The following PIK3CD variants were observed in gnomAD, a reference collection of about 807,000 sequenced individuals.
The protein encoded by PIK3CD is phosphatidylinositol-4,5-bisphosphate 3-kinase catalytic subunit delta, also known as phosphatidylinositol 4,5-bisphosphate 3-kinase catalytic subunit delta isoform.
PIK3CD carries 20 observed loss-of-function variants against 122.9 expected under a neutral mutation model. The ratio of observed to expected loss-of-function variants is 0.16; its 90% confidence interval spans 0.11 to 0.24. The LOEUF is 0.24. Ranked by LOEUF, PIK3CD falls within the 10% of genes least tolerant of loss-of-function variation. PIK3CD has a pLI of 1.00. For synonymous variants in PIK3CD, 596 were observed against 593.4 expected (o/e 1.00, Z -0.06); for missense variants, 787 against 1,406.3 (o/e 0.56, Z 7.04).
the PIK3CD span, among the ~76,000 whole-genome samples, chr1:9,643,219 G>A: frequency 5.3e-4 from 80 of 152,148 alleles, no homozygotes; most frequent in African/African-American, 1.8e-3. Flanking sequence ...GACCAGCCTG[G>A]TCAACATGGC....
chr1:9,723,883 T>C lies in PIK3CD; in HGVS notation c.2595-86T>C. 3.2e-6 allele frequency: 4 copies of C among 1,260,568 alleles called. No individual in the cohort carries two copies. The Middle Eastern group carries it at 8.5e-4, about 267-fold the overall frequency. The allele number at this position is 1,260,568 out of a possible 1,614,324, so 78.1% of individuals were successfully genotyped here. ...GTCAAAGCAAGTCACAGGGCCAGAT[T>C]CAAGGGGAGAGGGAGTAATAACCCA... is the stretch of plus-strand genomic sequence containing the variant. On this transcript the variant is annotated intron_variant, in intron 20 of 23. Transcript: ENST00000377346. The surrounding 1 kb of genome is among the most constrained non-coding windows in gnomAD (Gnocchi z 4.9).
At chr1:9,630,739 T>TGCGC in the PIK3CD span, among the ~76,000 whole-genome samples, 102 of 150,964 alleles carry the variant, frequency 6.8e-4, no homozygotes, top group African/African-American at 2.4e-3. Context: ...TGTGTGTGTG[T>TGCGC]GCAGAAGAGG....
chr1:9,640,756 G>T, the PIK3CD span, among the ~76,000 whole-genome samples: 1 of 152,082 alleles, frequency 6.6e-6, no homozygotes, highest in Non-Finnish European at 1.5e-5. Flanking sequence ...CCCCGGCTCA[G>T]CCTGGAACCT....
upstream of PIK3CD, among the ~76,000 whole-genome samples, chr1:9,651,164 T>A (rs946151298): frequency 6.6e-6 from 1 of 152,148 alleles, no homozygotes; most frequent in Non-Finnish European, 1.5e-5. Context: ...TCTTTATAGA[T>A]AGAAATCATT....
At chr1:9,705,939 C>T (rs560370624) in intron 2 of PIK3CD, among the ~76,000 whole-genome samples, 11 of 151,490 alleles carry the variant, frequency 7.3e-5, no homozygotes, top group African/African-American at 2.4e-4. Context: ...TTATACCGAT[C>T]GTAGGTTATG....
intron 1 of PIK3CD, among the ~76,000 whole-genome samples, chr1:9,665,201 C>CAAAAAAAAAA: frequency 1.9e-5 from 1 of 52,990 alleles, no homozygotes. Flanking sequence ...GACAGCCTGT[C>CAAAAAAAAAA]AAAAAAAAAA....
rs1030938800 is a variant in PIK3CD, at chr1:9,689,253, G to A, written c.-137-2214G>A. Reference sequence around the variant, plus strand: ...CCAGAGCCAGCGTGCGCGCGCCGTCGGGGTCCCGCGGCTGCTCTGGGGCTC... The same window carrying A: ...CCAGAGCCAGCGTGCGCGCGCCGTCAGGGTCCCGCGGCTGCTCTGGGGCTC... On this transcript the variant is annotated intron_variant, in intron 1 of 23. Transcript: ENST00000377346. This position sits in a 1 kb window ranked among gnomAD's most constrained non-coding sequence, Gnocchi z 6.1. 6.6e-6 allele frequency among the ~76,000 whole-genome samples: 1 copy of A among 152,224 alleles called. No individual in the cohort carries two copies. Among genetic ancestry groups the A allele is most frequent in the Non-Finnish European group, 1.5e-5 (1 of 68,026 alleles).
the PIK3CD span, among the ~76,000 whole-genome samples, chr1:9,632,710 C>T: frequency 6.6e-6 from 1 of 152,078 alleles, no homozygotes; most frequent in Admixed American, 6.6e-5. Flanking sequence ...TTCCTTGGCC[C>T]CTTTGTTGAC....
chr1:9,653,115 G>A (rs966608486), intron 1 of PIK3CD: 1 of 152,294 alleles, frequency 6.6e-6, no homozygotes, highest in Non-Finnish European at 1.5e-5. Context: ...GTTGGAGTGG[G>A]AAGGGGCAAT....
In PIK3CD at chr1:9,723,746, C is replaced by A. The variant is rs578024292; in HGVS notation, c.2595-223C>A. ...TCATTTAGCAGCCTCACCTTCCTTCCGTGGCTCTGTATTGAGGGTATGGGG... is the reference window on the plus strand; with the variant it reads ...TCATTTAGCAGCCTCACCTTCCTTCAGTGGCTCTGTATTGAGGGTATGGGG... On this transcript the variant is annotated intron_variant, in intron 20 of 23. Transcript: ENST00000377346. This position sits in a 1 kb window ranked among gnomAD's most constrained non-coding sequence, Gnocchi z 4.9. Among the ~76,000 whole-genome samples the A allele has an allele frequency of 2.0e-5, 3 of 152,150 alleles. No homozygotes were observed. Among genetic ancestry groups the A allele is most frequent in the Non-Finnish European group, 4.4e-5 (3 of 68,036 alleles).
chr1:9,693,402 T>G (rs1403012769), intron 2 of PIK3CD, among the ~76,000 whole-genome samples: 3 of 104,828 alleles, frequency 2.9e-5, no homozygotes, highest in Non-Finnish European at 5.5e-5. Context: ...TTTTTGTGGT[T>G]TTTTTTTTTC....
the PIK3CD span, among the ~76,000 whole-genome samples, chr1:9,645,919 AT>A: frequency 2.0e-5 from 3 of 150,684 alleles, no homozygotes; most frequent in Middle Eastern, 3.2e-3. Flanking sequence ...TTTATTTTTT[AT>A]TTTTTATTTT....
intron 1 of PIK3CD, among the ~76,000 whole-genome samples, chr1:9,667,902 A>ATTT (rs1456780582): frequency 9.4e-6 from 1 of 106,464 alleles, no homozygotes; most frequent in African/African-American, 4.1e-5. Context: ...TGCCTGGCTA[A>ATTT]TTTTTGTTTT....
Position 9,700,312 on chromosome 1 carries a change from TG to T in PIK3CD, c.-33+8744del. Among the ~76,000 whole-genome samples the T allele has an allele frequency of 6.6e-6, 1 of 152,200 alleles. No homozygotes were observed. The highest frequency in any genetic ancestry group is 2.1e-4 in the South Asian group (1 of 4,816). On this transcript the variant is annotated intron_variant, in intron 2 of 23. Transcript: ENST00000377346. This position sits in a 1 kb window ranked among gnomAD's most constrained non-coding sequence, Gnocchi z 5.1. ...CAGCTGGGACGCCGTTCTTCCACCT[TG>T]GGCTCCAGAAAGAGCACCAAGGAGA... is the stretch of plus-strand genomic sequence containing the variant.
intron 1 of PIK3CD, among the ~76,000 whole-genome samples, chr1:9,661,962 C>T (rs1321651548): frequency 6.6e-6 from 1 of 151,944 alleles, no homozygotes; most frequent in Non-Finnish European, 1.5e-5. Flanking sequence ...CACCACTGCA[C>T]TCCAGCCTGG....
rs1647632619 is a variant in PIK3CD at position 9,717,213 on chromosome 1, A to G, written c.930+105A>G. The G allele has an allele frequency of 7.0e-7, 1 of 1,422,000 alleles. No homozygotes were observed. Among genetic ancestry groups the G allele is most frequent in the Non-Finnish European group, 9.9e-7 (1 of 1,014,476 alleles). The allele number at this position is 1,422,000 out of a possible 1,614,324, so 88.1% of individuals were successfully genotyped here. On this transcript the variant is annotated intron_variant, in intron 7 of 23. Transcript: ENST00000377346. This position sits in a 1 kb window ranked among gnomAD's most constrained non-coding sequence, Gnocchi z 5.4. ...GGGTCCAGGGGCCCTTGGTATGGAG[A>G]GCTGGGGCTTTGAGCTGGGGAAGCC... is the stretch of plus-strand genomic sequence containing the variant.
chr1:9,646,944 CAAA>C (rs564896067), upstream of PIK3CD, among the ~76,000 whole-genome samples: 3 of 114,580 alleles, frequency 2.6e-5, no homozygotes, highest in Admixed American at 9.5e-5. Context: ...GACTCCATCT[CAAA>C]AAAAAAAAAA....
chr1:9,667,155 C>T (rs1032999874), intron 1 of PIK3CD, among the ~76,000 whole-genome samples: 1 of 152,030 alleles, frequency 6.6e-6, no homozygotes, highest in Non-Finnish European at 1.5e-5. Flanking sequence ...TGAGCCACTG[C>T]GCCCAGCCAA....
At chr1:9,667,084 G>C (rs994532121) in intron 1 of PIK3CD, among the ~76,000 whole-genome samples, 1 of 152,098 alleles carries the variant, frequency 6.6e-6, no homozygotes, top group Admixed American at 6.5e-5. Flanking sequence ...AGCTGGTCTC[G>C]AACTCCTGAG....
Sources: gnomAD v4.1 joint callset for allele counts (sites outside exome capture counted in the v4.1 genomes callset) on GRCh38, gnomAD v4.1.1 for gene constraint, Gnocchi (gnomAD v3.1) non-coding constraint, MANE v1.5 for transcripts, NCBI Gene and HGNC (gene_info 2026-07-23, HGNC 2026-07-21) for gene names.